TENM3: variants seen among roughly 807,000 people sequenced by gnomAD.
TENM3 encodes teneurin-3.
TENM3 carries 63 observed loss-of-function variants against 255.1 expected under a neutral mutation model. The ratio of observed to expected loss-of-function variants is 0.25; its 90% confidence interval spans 0.20 to 0.30. The LOEUF is 0.30. TENM3 is among the 10% of genes least tolerant of loss of function. The pLI, the probability that TENM3 is intolerant of heterozygous loss-of-function variation, is 1.00. For synonymous variants in TENM3, 1,306 were observed against 1,322.3 expected (o/e 0.99, Z 0.27); for missense variants, 2,929 against 3,461.1 (o/e 0.85, Z 3.86).
At position 182,799,741 on chromosome 4, in the gene TENM3, G is replaced by A; in HGVS notation, c.7490G>A (p.Gly2497Asp). 1.3e-6 allele frequency: 2 copies of A among 1,561,492 alleles called. No individual in the cohort carries two copies. The highest frequency in any genetic ancestry group is 1.7e-6 in the Non-Finnish European group (2 of 1,154,030). ...LWFATVKSLI[G>D]KGVMLAVSQG... Reference sequence around the variant, plus strand: ...TTCGCCACGGTCAAGTCGCTGATCGGCAAGGGCGTCATGCTGGCCGTCAGC... The same window carrying A: ...TTCGCCACGGTCAAGTCGCTGATCGACAAGGGCGTCATGCTGGCCGTCAGC... Residue 2497 changes from glycine (G) to aspartate (D), a missense_variant, in exon 28 of 28, where the codon GGC becomes GAC. Physicochemically the swap from Gly to Asp is moderately conservative, Grantham distance 94. Coordinates refer to ENST00000511685, the MANE Select transcript of TENM3 (RefSeq NM_001080477.4). The surrounding 1 kb of genome is among the most constrained non-coding windows in gnomAD (Gnocchi z 4.2).
chr4:182,140,810 A>T (rs576803150), upstream of TENM3, among the ~76,000 whole-genome samples: 70 of 152,300 alleles, frequency 4.6e-4, no homozygotes, highest in African/African-American at 1.7e-3. Context: ...GGCGCATGTG[A>T]TGCTGACTAA....
the TENM3 span, among the ~76,000 whole-genome samples, chr4:181,891,326 A>G: frequency 6.6e-6 from 1 of 152,150 alleles, no homozygotes; most frequent in Non-Finnish European, 1.5e-5. Context: ...TAACATTTGC[A>G]CTAAATTATT....
Position 182,585,976 on chromosome 4 carries a change from G to A in TENM3, c.512-14948G>A, listed in dbSNP as rs75109897. On this transcript the variant is annotated intron_variant, in intron 3 of 27. Coordinates refer to ENST00000511685, the MANE Select transcript of TENM3 (RefSeq NM_001080477.4). ...ACTATTTTAAAAGGCACAACCGGCT[G>A]GGCACAGTGGCTCACGCCTGTAATC... Among the ~76,000 whole-genome samples the A allele has an allele frequency of 6.8e-3, 1,042 of 152,306 alleles. 39 individuals are homozygous for A. The East Asian group carries it at 0.081, about 12-fold the overall frequency.
chr4:182,753,654 C>CTT lies in TENM3; in HGVS notation c.4017+51_4017+52dup, dbSNP rs1762524249. 5.7e-6 allele frequency: 9 copies of CTT among 1,567,768 alleles called. No individual in the cohort carries two copies. The East Asian group carries it at 2.0e-4, about 35-fold the overall frequency. ...TTTGTTTTTCCTCTAGGTGACTTGA[C>CTT]TTATTCAGTCGGTAGACTATGATGG... On this transcript the variant is annotated intron_variant, in intron 21 of 27. Transcript: ENST00000511685.
chr4:182,074,234 C>T, the TENM3 span, among the ~76,000 whole-genome samples: 1 of 152,126 alleles, frequency 6.6e-6, no homozygotes, highest in Non-Finnish European at 1.5e-5. Flanking sequence ...GTACCACTTG[C>T]TCAGCAGAAT....
At chr4:181,563,446 T>C in the TENM3 span, among the ~76,000 whole-genome samples, 1 of 152,216 alleles carries the variant, frequency 6.6e-6, no homozygotes, top group Non-Finnish European at 1.5e-5. Flanking sequence ...ACTAATGATA[T>C]CTTCAATTAT....
In TENM3 at chr4:182,649,574, C is replaced by CTA. The variant is rs1428128406; in HGVS notation, c.989-4194_989-4193dup. ...ATTTCTGTAACCTTAAAGTTCACAA[C>CTA]TATAATGCTTACTTTTGTACTTTTG... On this transcript the variant is annotated intron_variant, in intron 5 of 27. Transcript: ENST00000511685. 2.7e-5 allele frequency among the ~76,000 whole-genome samples: 4 copies of CTA among 150,566 alleles called. 1 individual carries two copies. Among genetic ancestry groups the CTA allele is most frequent in the Non-Finnish European group, 5.9e-5 (4 of 67,420 alleles).
chr4:181,590,104 A>T, the TENM3 span, among the ~76,000 whole-genome samples: 1 of 152,210 alleles, frequency 6.6e-6, no homozygotes, highest in Non-Finnish European at 1.5e-5. Flanking sequence ...GTATAAAGAG[A>T]TCATTTTTAT....
intron 3 of TENM3, among the ~76,000 whole-genome samples, chr4:182,443,145 C>T (rs1772640808): frequency 6.6e-6 from 1 of 152,088 alleles, no homozygotes; most frequent in African/African-American, 2.4e-5. Context: ...TATCACACTT[C>T]CATTTCTTTA....
At chr4:181,762,184 G>T in the TENM3 span, among the ~76,000 whole-genome samples, 256 of 152,210 alleles carry the variant, frequency 1.7e-3, 1 homozygote, top group African/African-American at 5.9e-3. Context: ...TGATGGGAAA[G>T]GTGAAATTTC....
chr4:182,093,467 C>G, the TENM3 span, among the ~76,000 whole-genome samples: 1 of 152,254 alleles, frequency 6.6e-6, no homozygotes, highest in Non-Finnish European at 1.5e-5. Flanking sequence ...CATCAGAGTA[C>G]AAGTAGGTGG....
At chr4:182,517,335 T>C (rs953669873) in intron 3 of TENM3, among the ~76,000 whole-genome samples, 1 of 152,030 alleles carries the variant, frequency 6.6e-6, no homozygotes, top group Admixed American at 6.6e-5. Flanking sequence ...TTCGGCCTCT[T>C]TTCTGTAGTC....
the TENM3 span, among the ~76,000 whole-genome samples, chr4:181,607,324 A>T: frequency 1.7e-4 from 26 of 152,374 alleles, no homozygotes; most frequent in Admixed American, 9.8e-4. Context: ...GGCACTAGCC[A>T]TAAGCAGCTA....
intron 1 of TENM3, among the ~76,000 whole-genome samples, chr4:182,314,874 A>C (rs1304465905): frequency 6.6e-6 from 1 of 152,128 alleles, no homozygotes; most frequent in African/African-American, 2.4e-5. Context: ...TCTTTTGATT[A>C]GTTGTATATT....
At chr4:182,146,458 GT>G (rs1487726879) in intron 1 of TENM3, among the ~76,000 whole-genome samples, 1 of 152,074 alleles carries the variant, frequency 6.6e-6, no homozygotes, top group Non-Finnish European at 1.5e-5. Context: ...TTTATAATGA[GT>G]TTAGTTATTC....
At chr4:181,787,141 C>T in the TENM3 span, among the ~76,000 whole-genome samples, 6 of 152,118 alleles carry the variant, frequency 3.9e-5, no homozygotes, top group African/African-American at 1.2e-4. Context: ...GAAAGGAGGC[C>T]GGACACGCCT....
At chr4:181,612,286 G>A in the TENM3 span, among the ~76,000 whole-genome samples, 1 of 152,064 alleles carries the variant, frequency 6.6e-6, no homozygotes, top group African/African-American at 2.4e-5. Flanking sequence ...TTTCCCTCTG[G>A]ACTTCTCTGT....
intron 1 of TENM3, among the ~76,000 whole-genome samples, chr4:182,221,255 G>A (rs781580549): frequency 3.9e-5 from 6 of 152,182 alleles, no homozygotes; most frequent in African/African-American, 7.2e-5. Flanking sequence ...AAAGTTAGCC[G>A]TTTTTAAGCC....
At chr4:181,944,438 G>A in the TENM3 span, among the ~76,000 whole-genome samples, 1 of 151,190 alleles carries the variant, frequency 6.6e-6, no homozygotes, top group Non-Finnish European at 1.5e-5. Flanking sequence ...GGCGAAGGGG[G>A]ATCCTTTTCA....
Sources: gnomAD v4.1 joint callset for allele counts (sites outside exome capture counted in the v4.1 genomes callset) on GRCh38, gnomAD v4.1.1 for gene constraint, Gnocchi (gnomAD v3.1) non-coding constraint, MANE v1.5 for transcripts, NCBI Gene and HGNC (gene_info 2026-07-23, HGNC 2026-07-21) for gene names.